The following CLSTN1 variants were observed in gnomAD, a reference collection of about 807,000 sequenced individuals.
The protein encoded by CLSTN1 is calsyntenin 1.
CLSTN1 carries 28 observed loss-of-function variants against 108.3 expected under a neutral mutation model. The ratio of observed to expected loss-of-function variants is 0.26; its 90% CI spans 0.19 to 0.35. CLSTN1 has a LOEUF of 0.35. Among genes scored for constraint, CLSTN1 ranks in the 10% least tolerant of loss-of-function variants. The probability of loss-of-function intolerance (pLI) is 1.00; values close to 1 mark genes in which losing one functional copy is unlikely to be tolerated. For synonymous variants in CLSTN1, 524 were observed against 534.9 expected, an observed-to-expected ratio of 0.98 and a Z score of 0.28; for missense variants, 1,157 against 1,302.6, an observed-to-expected ratio of 0.89 and a Z score of 1.72.
intron 3 of CLSTN1, among the ~76,000 whole-genome samples, chr1:9,755,861 C>A (rs1469057038): frequency 6.6e-6 from 1 of 151,872 alleles, no homozygotes; most frequent in Non-Finnish European, 1.5e-5. Context: ...ATTAGGGAAT[C>A]AAAACAAACT....
chr1:9,798,915 G>A (rs923702017), intron 1 of CLSTN1, among the ~76,000 whole-genome samples: 3 of 152,204 alleles, frequency 2.0e-5, no homozygotes, highest in South Asian at 2.1e-4. Context: ...GTGATGGCTC[G>A]CACCTGTAAT....
At chr1:9,772,128 C>G (rs1413785992) in intron 2 of CLSTN1, among the ~76,000 whole-genome samples, 1 of 146,334 alleles carries the variant, frequency 6.8e-6, no homozygotes, top group Non-Finnish European at 1.5e-5. Context: ...AGGCGCCCAC[C>G]ACCACACCCG....
At chr1:9,769,411 A>G (rs1652556811) in intron 2 of CLSTN1, among the ~76,000 whole-genome samples, 1 of 152,198 alleles carries the variant, frequency 6.6e-6, no homozygotes, top group African/African-American at 2.4e-5. Context: ...GTGGATGAAC[A>G]GAGAAACAAA....
At chr1:9,776,807 T>TATCTGTCAGCATTTATCTATC (rs1557710129) in intron 1 of CLSTN1, among the ~76,000 whole-genome samples, 1 of 145,146 alleles carries the variant, frequency 6.9e-6, no homozygotes, top group African/African-American at 2.8e-5. Flanking sequence ...TCTATCTATC[T>TATCTGTCAGCATTTATCTATC]ATCTATCAGC....
At chr1:9,733,596 A>T in intron 15 of CLSTN1, 50 bp from the exon 16 acceptor site, 1 of 1,607,682 alleles carries the variant, frequency 6.2e-7, no homozygotes, top group Non-Finnish European at 8.5e-7. Flanking sequence ...GGGCAGGAGC[A>T]TGGGCAGGGC....
At chr1:9,799,468 C>T (rs1024531559) in intron 1 of CLSTN1, among the ~76,000 whole-genome samples, 24 of 151,740 alleles carry the variant, frequency 1.6e-4, no homozygotes, top group Admixed American at 6.6e-5. Context: ...GGTGAAACCC[C>T]GTCTCTACTA....
intron 1 of CLSTN1, among the ~76,000 whole-genome samples, chr1:9,799,833 T>C (rs1654175607): frequency 6.6e-6 from 1 of 151,186 alleles, no homozygotes; most frequent in African/African-American, 2.4e-5. Context: ...CCTAGCTGCT[T>C]GGGAGGCTGA....
At chr1:9,782,389 C>T (rs1018416526) in intron 1 of CLSTN1, among the ~76,000 whole-genome samples, 1 of 151,992 alleles carries the variant, frequency 6.6e-6, no homozygotes, top group Non-Finnish European at 1.5e-5. Flanking sequence ...AATTTGAGTC[C>T]TTGACTAATA....
Position 9,735,559 on chromosome 1 carries a change from T to G in CLSTN1, c.1791A>C (p.Glu597Asp), listed in dbSNP as rs746005770. 1 of 1,613,996 alleles carries G rather than the reference T, an allele frequency of 6.2e-7. No homozygotes were observed. The highest frequency in any genetic ancestry group is 1.3e-5 in the African/African-American group (1 of 74,906). ...VLTLEGEDLG[E>D]LDKAMQHISY... Reference sequence around the variant, plus strand: ...AGATGTGCTGCATGGCCTTATCCAATTCCCCGAGGTCTTCTCCCTCCAAGG... The same window carrying G: ...AGATGTGCTGCATGGCCTTATCCAAGTCCCCGAGGTCTTCTCCCTCCAAGG... Residue 597 changes from glutamate to aspartate, a missense_variant, in exon 13 of 19, where the codon GAA (glutamate) becomes GAC (aspartate). Coordinates refer to ENST00000377298, the MANE Select transcript of CLSTN1 (RefSeq NM_001009566.3).
intron 1 of CLSTN1, among the ~76,000 whole-genome samples, chr1:9,773,667 G>C (rs987669489): frequency 6.6e-6 from 1 of 152,156 alleles, no homozygotes; most frequent in Non-Finnish European, 1.5e-5. Context: ...AAAAAAGACT[G>C]ATGGCTACGG....
chr1:9,766,969 C>T (rs1652367841), intron 2 of CLSTN1, among the ~76,000 whole-genome samples: 1 of 152,244 alleles, frequency 6.6e-6, no homozygotes, highest in Admixed American at 6.5e-5. Flanking sequence ...TACCCACACA[C>T]ACATGCCTTG....
chr1:9,803,571 T>C (rs1654378322), intron 1 of CLSTN1, among the ~76,000 whole-genome samples: 1 of 151,486 alleles, frequency 6.6e-6, no homozygotes, highest in Non-Finnish European at 1.5e-5. Context: ...GGGAGGCCAA[T>C]GTGGGCAGAT....
intron 4 of CLSTN1, among the ~76,000 whole-genome samples, chr1:9,752,848 C>T (rs1651620579): frequency 2.0e-5 from 3 of 151,662 alleles, no homozygotes; most frequent in South Asian, 2.1e-4. Context: ...GGTGACAGAG[C>T]GAGACTCTGC....
intron 1 of CLSTN1, among the ~76,000 whole-genome samples, chr1:9,807,988 C>T (rs1233695133): frequency 6.6e-6 from 1 of 152,240 alleles, no homozygotes; most frequent in Non-Finnish European, 1.5e-5. Flanking sequence ...GGCTGCTGCC[C>T]CCACAGAATC....
At chr1:9,737,955 G>A (rs183432639) in intron 10 of CLSTN1, among the ~76,000 whole-genome samples, 228 of 152,298 alleles carry the variant, frequency 1.5e-3, no homozygotes, top group Middle Eastern at 3.4e-3. Flanking sequence ...CGGACCAACA[G>A]CACCTCTTCT....
chr1:9,740,107 C>G (rs964219240), intron 10 of CLSTN1, among the ~76,000 whole-genome samples: 2 of 151,646 alleles, frequency 1.3e-5, no homozygotes, highest in Non-Finnish European at 2.9e-5. Flanking sequence ...TGAGCCACCG[C>G]GCCCGGCCAA....
intron 2 of CLSTN1, among the ~76,000 whole-genome samples, chr1:9,771,267 G>A (rs1652660210): frequency 6.6e-6 from 1 of 152,114 alleles, no homozygotes; most frequent in African/African-American, 2.4e-5. Context: ...ATCACCTGAG[G>A]CCAGGAGTTC....
chr1:9,755,954 T>C (rs913604774), intron 3 of CLSTN1, among the ~76,000 whole-genome samples: 1 of 152,184 alleles, frequency 6.6e-6, no homozygotes, highest in African/African-American at 2.4e-5. Flanking sequence ...AGACACAGTT[T>C]CTATTATGGG....
rs1226020498 is a variant in CLSTN1 at position 9,734,796 on chromosome 1, C to T, written c.2110+152G>A. ...AGAGATCACCATGAGCTCCAGCTCA[C>T]GGGTCAGATTCCAGAAGCACACCCG... is the stretch of plus-strand genomic sequence containing the variant. On this transcript the variant is annotated intron_variant, in intron 14 of 18. Coordinates refer to ENST00000377298, the MANE Select transcript of CLSTN1 (RefSeq NM_001009566.3). This position sits in a 1 kb window ranked among gnomAD's most constrained non-coding sequence, Gnocchi z 4.8. 2.2e-5 allele frequency: 14 copies of T among 643,768 alleles called. No homozygotes were observed. Among genetic ancestry groups the T allele is most frequent in the South Asian group, 3.9e-5 (2 of 51,710 alleles). 39.9% of individuals were successfully genotyped at this position (643,768 alleles called of 1,614,324 possible).
Sources: gnomAD v4.1 joint callset for allele counts (sites outside exome capture counted in the v4.1 genomes callset) on GRCh38, gnomAD v4.1.1 for gene constraint, Gnocchi (gnomAD v3.1) non-coding constraint, MANE v1.5 for transcripts, NCBI Gene and HGNC (gene_info 2026-07-23, HGNC 2026-07-21) for gene names.